The following ARHGAP17 variants were observed in gnomAD, a reference collection of about 807,000 sequenced individuals.
ARHGAP17 encodes Rho GTPase activating protein 17.
In ARHGAP17, 57 loss-of-function variants were observed where a neutral mutation model predicts 99.5. That is an observed-to-expected ratio of 0.57 (90% confidence interval 0.46 to 0.71). The LOEUF is 0.71. ARHGAP17 is among the 30% of genes least tolerant of loss of function. The pLI is 0.00. For synonymous variants in ARHGAP17, 417 were observed against 429.6 expected, an observed-to-expected ratio of 0.97 and a Z score of 0.36; for missense variants, 1,000 against 1,122.4, an observed-to-expected ratio of 0.89 and a Z score of 1.56.
chr16:24,929,763 C>A lies in ARHGAP17; in HGVS notation c.2515+1021G>T, dbSNP rs11860541. On this transcript the variant is annotated intron_variant, in intron 19 of 19. Coordinates refer to ENST00000289968, the MANE Select transcript of ARHGAP17 (RefSeq NM_001006634.3). ...AGTTATTAACCATTTATAACATGTG[C>A]AAATTATGTATTATATTCCTGAAAA... 0.012 allele frequency: 6,579 copies of A among 567,104 alleles called. 361 individuals are homozygous for A. The African/African-American group carries it at 0.12, about 10-fold the overall frequency. 35.1% of individuals were successfully genotyped at this position (567,104 alleles called of 1,614,324 possible).
intron 14 of ARHGAP17, among the ~76,000 whole-genome samples, 185 bp from the exon 15 acceptor site, chr16:24,944,047 C>T (rs1374004332): frequency 3.9e-5 from 6 of 151,994 alleles, no homozygotes; most frequent in South Asian, 2.1e-4. Flanking sequence ...CTGAGGCGGG[C>T]GGATCACAAG....
chr16:24,969,062 A>T (rs539605017), intron 4 of ARHGAP17, among the ~76,000 whole-genome samples: 1 of 152,346 alleles, frequency 6.6e-6, no homozygotes, highest in African/African-American at 2.4e-5. Flanking sequence ...AGTCAGGTGA[A>T]AGCCAAGTGT....
chr16:24,991,965 C>T (rs2053055526), intron 1 of ARHGAP17, among the ~76,000 whole-genome samples: 1 of 152,144 alleles, frequency 6.6e-6, no homozygotes, highest in Non-Finnish European at 1.5e-5. Context: ...ACTTTGGGGG[C>T]ACAGATAGAA....
intron 1 of ARHGAP17, among the ~76,000 whole-genome samples, chr16:24,995,077 T>C (rs2053155551): frequency 6.6e-6 from 1 of 152,128 alleles, no homozygotes. Context: ...AAGTCACTTA[T>C]AAAACCATGA....
rs142721491 is a variant in ARHGAP17, at chr16:24,930,862, G to T, written c.2437C>A (p.Pro813Thr). ...PRNRPSVPPP[P>T]QPPGVHSAGD... Reference sequence around the variant, plus strand: ...GCTGAGTGGACACCAGGAGGTTGGGGGGGTGGGGGCACGCTGGGCCGGTTC... The same window carrying T: ...GCTGAGTGGACACCAGGAGGTTGGGTGGGTGGGGGCACGCTGGGCCGGTTC... The change falls in exon 19 of 20, where the codon CCC becomes ACC. Residue 813 changes from proline to threonine, a missense_variant. Transcript: ENST00000289968. The T allele has an allele frequency of 6.2e-7, 1 of 1,614,086 alleles. No homozygotes were observed. Among genetic ancestry groups the T allele is most frequent in the African/African-American group, 1.3e-5 (1 of 75,012 alleles).
chr16:25,010,807 C>T (rs2053624836), intron 1 of ARHGAP17, among the ~76,000 whole-genome samples: 2 of 152,254 alleles, frequency 1.3e-5, no homozygotes, highest in Non-Finnish European at 1.5e-5. Context: ...TCCTCCAGGT[C>T]CCCTGAGGCC....
chr16:24,992,532 C>T (rs2053077847), intron 1 of ARHGAP17, among the ~76,000 whole-genome samples: 1 of 151,980 alleles, frequency 6.6e-6, no homozygotes, highest in East Asian at 1.9e-4. Flanking sequence ...GATGGGGTTT[C>T]ACCATGTTGG....
chr16:24,941,310 T>C (rs1162163215), intron 16 of ARHGAP17, among the ~76,000 whole-genome samples: 1 of 152,216 alleles, frequency 6.6e-6, no homozygotes, highest in African/African-American at 2.4e-5. Context: ...TTAGCATTCC[T>C]AGTGAGTACA....
At position 24,926,926 on chromosome 16, in the gene ARHGAP17, T is replaced by C. The variant is rs149455291; in HGVS notation, c.2515+3858A>G. On this transcript the variant is annotated intron_variant, in intron 19 of 19. Coordinates refer to ENST00000289968, the MANE Select transcript of ARHGAP17 (RefSeq NM_001006634.3). ...CGTATGAGTTTTTAAAACCCTGATA[T>C]GTGAATCTAACATAGAAATCTGATT... Among the ~76,000 whole-genome samples, 507 of 152,252 alleles carry C rather than the reference T, an allele frequency of 3.3e-3. 2 individuals are homozygous for C. Among genetic ancestry groups the C allele is most frequent in the Non-Finnish European group, 5.1e-3 (347 of 68,020 alleles).
Position 24,943,657 on chromosome 16 carries a change from A to T in ARHGAP17, c.1333+114T>A, listed in dbSNP as rs1399311776. ...CAAAGGCTGGAAAGAAACATGAAAA[A>T]GTGAAACCAATTACGTAATCATGAA... is the stretch of plus-strand genomic sequence containing the variant. On this transcript the variant is annotated intron_variant, in intron 15 of 19. Transcript: ENST00000289968. 4.5e-6 allele frequency: 4 copies of T among 893,692 alleles called. No homozygotes were observed. The Admixed American group carries it at 9.8e-5, about 22-fold the overall frequency. The allele number at this position is 893,692 out of a possible 1,614,324, so 55.4% of individuals were successfully genotyped here.
Position 24,964,190 on chromosome 16 carries a change from C to A in ARHGAP17, c.573+7G>T. The A allele has an allele frequency of 6.5e-7, 1 of 1,535,728 alleles. No individual in the cohort carries two copies. The highest frequency in any genetic ancestry group is 2.0e-5 in the Admixed American group (1 of 49,734). ...GAAAAGATACATTTATCAAGGAATT[C>A]TCATACCTTGCACTGTTCTACTTTA... On this transcript the variant is annotated splice_region_variant and intron_variant, in intron 7 of 19. Coordinates refer to ENST00000289968, the MANE Select transcript of ARHGAP17 (RefSeq NM_001006634.3).
Position 24,937,128 on chromosome 16 carries a change from AC to A in ARHGAP17, c.1725-1490del, listed in dbSNP as rs1279017397. ...CAAGACCCTGTCTGAAAAAAAAAAA[AC>A]AACAAAAAACAGGCCGGGGCAGTAG... On this transcript the variant is annotated intron_variant, in intron 17 of 19. Transcript: ENST00000289968. 3.8e-4 allele frequency among the ~76,000 whole-genome samples: 57 copies of A among 148,506 alleles called. 2 individuals carry two copies. Among genetic ancestry groups the A allele is most frequent in the Admixed American group, 2.5e-3 (38 of 15,110 alleles).
At chr16:25,003,954 T>C (rs933470015) in intron 1 of ARHGAP17, among the ~76,000 whole-genome samples, 3 of 152,182 alleles carry the variant, frequency 2.0e-5, no homozygotes, top group Non-Finnish European at 2.9e-5. Flanking sequence ...CCCAAGTGAT[T>C]TGAAAATAGA....
At chr16:24,932,042 G>T (rs1395472128) in intron 18 of ARHGAP17, among the ~76,000 whole-genome samples, 1 of 151,842 alleles carries the variant, frequency 6.6e-6, no homozygotes, top group African/African-American at 2.4e-5. Flanking sequence ...CCATGAGCCT[G>T]GGAAGTCCAA....
At chr16:24,975,440 C>T (rs182480632) in intron 3 of ARHGAP17, among the ~76,000 whole-genome samples, 1 of 152,174 alleles carries the variant, frequency 6.6e-6, no homozygotes, top group African/African-American at 2.4e-5. Flanking sequence ...GTAAGCAGAG[C>T]AGAAGAAGGC....
At chr16:24,975,657 G>T (rs2052492955) in intron 3 of ARHGAP17, among the ~76,000 whole-genome samples, 1 of 152,174 alleles carries the variant, frequency 6.6e-6, no homozygotes, top group African/African-American at 2.4e-5. Context: ...AAACATAAAA[G>T]GGTAACACAG....
chr16:24,923,674 C>T lies in ARHGAP17; in HGVS notation c.2516-3414G>A, dbSNP rs557835091. Among the ~76,000 whole-genome samples the T allele has an allele frequency of 4.0e-5, 6 of 148,482 alleles. No homozygotes were observed. The South Asian group carries it at 6.4e-4, about 16-fold the overall frequency. ...TCAAGGCTGCAGTGGACTGGAATCACACCGCTGCACTCTAGCCTGGGCAAC... is the reference window on the plus strand; with the variant it reads ...TCAAGGCTGCAGTGGACTGGAATCATACCGCTGCACTCTAGCCTGGGCAAC... On this transcript the variant is annotated intron_variant, in intron 19 of 19. Transcript: ENST00000289968.
At chr16:24,944,970 C>T (rs1203036605) in intron 14 of ARHGAP17, among the ~76,000 whole-genome samples, 1 of 151,852 alleles carries the variant, frequency 6.6e-6, no homozygotes, top group African/African-American at 2.4e-5. Flanking sequence ...GTAAGGTCAT[C>T]ATATATGTGG....
At chr16:24,930,608 G>T in intron 19 of ARHGAP17, 176 bp downstream of exon 19, 1 of 1,055,604 alleles carries the variant, frequency 9.5e-7, no homozygotes, top group East Asian at 2.4e-5. Context: ...TAACAAATGG[G>T]TGTAGCTGTG....
Sources: allele counts gnomAD v4.1 joint callset (sites outside exome capture counted in the v4.1 genomes callset), GRCh38; gene constraint gnomAD v4.1.1; transcripts MANE v1.5; gene names NCBI Gene and HGNC (gene_info 2026-07-23, HGNC 2026-07-21).